The following PDZD2 variants were observed in gnomAD, a reference collection of about 807,000 sequenced individuals.
PDZD2 encodes the protein PDZ domain containing 2, also known as PDZ domain-containing protein 2.
PDZD2 carries 90 observed loss-of-function variants against 220.7 expected under a neutral mutation model. That is an observed-to-expected ratio of 0.41 (90% confidence interval 0.34 to 0.49). The LOEUF is 0.49. Among genes scored for constraint, PDZD2 ranks in the 20% least tolerant of loss-of-function variants. The pLI, the probability that PDZD2 is intolerant of heterozygous loss-of-function variation, is 0.28. For missense variants in PDZD2, 3,174 were observed against 3,608.5 expected (o/e 0.88, Z 3.08); for synonymous variants, 1,375 against 1,450.5 (o/e 0.95, Z 1.18).
intron 2 of PDZD2, among the ~76,000 whole-genome samples, chr5:31,938,714 G>C (rs1407930878): frequency 2.0e-5 from 3 of 152,160 alleles, no homozygotes; most frequent in Non-Finnish European, 2.9e-5. Flanking sequence ...TGAATACCAT[G>C]TTTTCTCATA....
intron 1 of PDZD2, among the ~76,000 whole-genome samples, chr5:31,672,699 T>C (rs1273715698): frequency 1.3e-5 from 2 of 152,168 alleles, no homozygotes; most frequent in Non-Finnish European, 2.9e-5. Context: ...AAGGGCACCT[T>C]CCTTATGGAC....
intron 2 of PDZD2, among the ~76,000 whole-genome samples, chr5:31,942,895 T>C (rs1318302979): frequency 1.3e-5 from 2 of 152,178 alleles, no homozygotes; most frequent in Admixed American, 6.5e-5. Flanking sequence ...ATGCTTCGGA[T>C]GTGTAGTTTT....
In PDZD2 at chr5:31,752,068, G is replaced by GTTTTTTTTTTGTTTTGTTTT. The variant is rs1251840861; in HGVS notation, c.-360-46821_-360-46820insTTTTTTTTTTGTTTTGTTTT. The stretch of plus-strand genomic sequence containing the variant: ...TTTGTTTGTTTGTTTTATTGTTTTG[G>GTTTTTTTTTTGTTTTGTTTT]GTTTGTTTTTTTTTTTTTTTTTCTG... On this transcript the variant is annotated intron_variant, in intron 1 of 24. Coordinates refer to ENST00000438447, the MANE Select transcript of PDZD2 (RefSeq NM_178140.4). Among the ~76,000 whole-genome samples, 351 of 95,826 alleles carry GTTTTTTTTTTGTTTTGTTTT rather than the reference G, an allele frequency of 3.7e-3. 19 individuals carry two copies. The highest frequency in any genetic ancestry group is 0.015 in the African/African-American group (329 of 21,958). The allele number at this position is 95,826 out of a possible 152,430, so 62.9% of individuals were successfully genotyped here. A position where few individuals can be genotyped will look rare whatever the true frequency, so the allele number is the denominator to read the frequency against.
In PDZD2 at chr5:32,087,230, G is replaced by A. The variant is rs760938752; in HGVS notation, c.3782G>A (p.Arg1261Gln). 15 of 1,613,926 alleles carry A rather than the reference G, an allele frequency of 9.3e-6. No homozygotes were observed. The highest frequency in any genetic ancestry group is 4.5e-5 in the East Asian group (2 of 44,864). Residue 1261 changes from arginine to glutamine, a missense_variant, in exon 20 of 25, where the codon CGG (arginine) becomes CAG (glutamine). Arg to Gln is a conservative substitution (Grantham distance 43). Coordinates refer to ENST00000438447, the MANE Select transcript of PDZD2 (RefSeq NM_178140.4). The surrounding 1 kb of genome is among the most constrained non-coding windows in gnomAD (Gnocchi z 4.0). ...TCTGTAGACACAGGGCAAGTCAGTC[G>A]GCCAGAGAATCCCAGCCAGCCTGCA... ...KTSVDTGQVS[R>Q]PENPSQPASP...
intron 1 of PDZD2, among the ~76,000 whole-genome samples, chr5:31,779,470 A>T (rs984293093): frequency 5.4e-5 from 8 of 148,972 alleles, no homozygotes; most frequent in Non-Finnish European, 1.2e-4. Flanking sequence ...CACCTCCCGG[A>T]TCACGCCATT....
intron 7 of PDZD2, among the ~76,000 whole-genome samples, chr5:32,046,460 C>T (rs1339818599): frequency 6.6e-6 from 1 of 152,116 alleles, no homozygotes; most frequent in East Asian, 1.9e-4. Flanking sequence ...CCAGTGCAGT[C>T]TCGAATTCCT....
In PDZD2 at chr5:32,089,556, G is replaced by A; in HGVS notation, c.6108G>A (p.Val2036=). The A allele has an allele frequency of 3.1e-6, 5 of 1,612,274 alleles. No homozygotes were observed. In the African/African-American group the frequency reaches 5.3e-5, roughly 17 times the overall value. ...CGCCCCGTGCTGACTCCGGGCCGGT[G>A]AGTCCGGCAGCGTCTAGGAACGGCA... ...GRAPRADSGP[V]SPAASRNGMS... Residue 2036 remains valine, a synonymous_variant, in exon 20 of 25, where the codon GTG becomes GTA. Transcript: ENST00000438447.
intron 2 of PDZD2, among the ~76,000 whole-genome samples, chr5:31,971,056 A>G (rs1749254833): frequency 1.3e-5 from 2 of 152,224 alleles, no homozygotes; most frequent in African/African-American, 4.8e-5. Flanking sequence ...CTACAGCCTC[A>G]GGTGATGACT....
intron 2 of PDZD2, chr5:31,840,643 T>C (rs1457089056): frequency 6.9e-6 from 5 of 724,288 alleles, no homozygotes; most frequent in Non-Finnish European, 7.7e-6. Context: ...CTGATCATTT[T>C]CCTCACGCGT....
chr5:31,705,536 T>C (rs191284894), intron 1 of PDZD2, among the ~76,000 whole-genome samples: 1 of 152,322 alleles, frequency 6.6e-6, no homozygotes, highest in East Asian at 1.9e-4. Context: ...CTAATTTATT[T>C]CTTACAGTAA....
At chr5:31,683,445 G>A (rs922494238) in intron 1 of PDZD2, among the ~76,000 whole-genome samples, 8 of 151,972 alleles carry the variant, frequency 5.3e-5, no homozygotes, top group African/African-American at 1.9e-4. Context: ...AGTCCCTACT[G>A]GTTTTTTTAA....
intron 2 of PDZD2, among the ~76,000 whole-genome samples, chr5:31,923,184 A>G (rs879295090): frequency 6.6e-6 from 1 of 152,080 alleles, no homozygotes; most frequent in Non-Finnish European, 1.5e-5. Context: ...AATCCCAGCT[A>G]CTCAGGGGGC....
At chr5:32,104,766 A>C (rs1744599424) in intron 24 of PDZD2, among the ~76,000 whole-genome samples, 1 of 146,032 alleles carries the variant, frequency 6.8e-6, no homozygotes, top group Non-Finnish European at 1.5e-5. Flanking sequence ...TGTTCATTAT[A>C]TGGCAAAATT....
At chr5:31,797,407 G>A (rs2150227440) in intron 1 of PDZD2, among the ~76,000 whole-genome samples, 1 of 152,110 alleles carries the variant, frequency 6.6e-6, no homozygotes, top group Admixed American at 6.5e-5. Flanking sequence ...ATATATTGAT[G>A]AATAAGACAG....
intron 2 of PDZD2, chr5:31,908,397 G>A: frequency 2.2e-6 from 1 of 463,554 alleles, no homozygotes; most frequent in Non-Finnish European, 4.0e-6. Flanking sequence ...CCATGATCAG[G>A]TGTGTTCACG....
rs74893249 is a variant in PDZD2, at chr5:31,767,660, G to T, written c.-360-31229G>T. On this transcript the variant is annotated intron_variant, in intron 1 of 24. Transcript: ENST00000438447. ...AAAGATCAGTCCGTCAACGTAAGAT[G>T]GAGACTATGTAAAGTTTTCAGATGG... Among the ~76,000 whole-genome samples the T allele has an allele frequency of 5.3e-5, 8 of 152,278 alleles. No homozygotes were observed. In the East Asian group the frequency reaches 1.5e-3, roughly 29 times the overall value.
intron 2 of PDZD2, among the ~76,000 whole-genome samples, chr5:31,929,745 G>T (rs1380142366): frequency 7.8e-5 from 2 of 25,530 alleles, no homozygotes; most frequent in African/African-American, 5.7e-4. Context: ...CCAGCTACTC[G>T]GGAGGCTGAA....
chr5:31,984,838 A>G (rs1750591378), intron 3 of PDZD2, among the ~76,000 whole-genome samples: 1 of 152,174 alleles, frequency 6.6e-6, no homozygotes, highest in African/African-American at 2.4e-5. Context: ...AAAACAAGAA[A>G]AGAAGTATCA....
At chr5:31,644,014 G>A (rs541314157) in intron 1 of PDZD2, among the ~76,000 whole-genome samples, 16 of 152,004 alleles carry the variant, frequency 1.1e-4, no homozygotes, top group African/African-American at 3.4e-4. Flanking sequence ...AAAATTTTTT[G>A]TAGAGATGGG....
Sources: allele counts gnomAD v4.1 joint callset (sites outside exome capture counted in the v4.1 genomes callset), GRCh38; gene constraint gnomAD v4.1.1; non-coding constraint Gnocchi (gnomAD v3.1); transcripts MANE v1.5; gene names NCBI Gene and HGNC (gene_info 2026-07-23, HGNC 2026-07-21).